Variants in B4GALT7 observed in about 807,000 individuals in gnomAD.
The protein encoded by B4GALT7 is beta-1,4-galactosyltransferase 7.
In B4GALT7, 30 loss-of-function variants were observed where a neutral mutation model predicts 33.0. That is an observed-to-expected ratio of 0.91 (90% CI 0.68 to 1.23). B4GALT7 has a LOEUF of 1.23. Ranked by LOEUF, B4GALT7 falls within the 50% of genes most tolerant of loss-of-function variation. B4GALT7 has a pLI of 0.00. For synonymous variants in B4GALT7, 213 were observed against 187.2 expected, an observed-to-expected ratio of 1.14 and a Z score of -1.13; for missense variants, 507 against 450.8, an observed-to-expected ratio of 1.12 and a Z score of -1.13.
chr5:177,607,107 TG>T, intron 2 of B4GALT7, 194 bp from the exon 3 acceptor site: 1 of 651,314 alleles, frequency 1.5e-6, no homozygotes, highest in Non-Finnish European at 2.8e-6. Flanking sequence ...GTACCTCCCG[TG>T]CTTTGAATGG....
In B4GALT7 at chr5:177,606,612, A is replaced by C. The variant is rs1221675013; in HGVS notation, c.414-690A>C. 1.9e-5 allele frequency: 3 copies of C among 155,716 alleles called. No homozygotes were observed. The highest frequency in any genetic ancestry group is 4.3e-5 in the Non-Finnish European group (3 of 70,208). The allele number at this position is 155,716 out of a possible 1,614,324, so 9.6% of individuals were successfully genotyped here. On this transcript the variant is annotated intron_variant, in intron 2 of 5. Transcript: ENST00000029410. The surrounding 1 kb of genome is among the most constrained non-coding windows in gnomAD (Gnocchi z 4.2). ...CCCTGCTCTGACAGTCTCTTCCAGCACAACAGCTAGGGCGGTCCTGTCCAG... is the reference window on the plus strand; with the variant it reads ...CCCTGCTCTGACAGTCTCTTCCAGCCCAACAGCTAGGGCGGTCCTGTCCAG...
At chr5:177,607,641 C>G in intron 3 of B4GALT7, 114 bp downstream of exon 3, 1 of 1,058,738 alleles carries the variant, frequency 9.4e-7, no homozygotes, top group Non-Finnish European at 1.4e-6. Context: ...CTGCCCTGGC[C>G]TAGCAGGAGA....
At chr5:177,603,667 C>T (rs1767899419) in intron 1 of B4GALT7, among the ~76,000 whole-genome samples, 1 of 152,138 alleles carries the variant, frequency 6.6e-6, no homozygotes, top group Non-Finnish European at 1.5e-5. Flanking sequence ...AGCACACACC[C>T]GTGTCTGGGT....
intron 1 of B4GALT7, among the ~76,000 whole-genome samples, chr5:177,602,444 G>A (rs1052405290): frequency 3.3e-5 from 5 of 152,256 alleles, no homozygotes; most frequent in Admixed American, 2.6e-4. Context: ...AATCTGACAC[G>A]GCCTGAGAAG....
At chr5:177,607,588 G>A in intron 3 of B4GALT7, 61 bp downstream of exon 3, 2 of 1,500,486 alleles carry the variant, frequency 1.3e-6, no homozygotes, top group Non-Finnish European at 1.8e-6. Flanking sequence ...TGCGGGTGGT[G>A]GGAAGGATGG....
rs1173902725 is a variant in B4GALT7 at position 177,608,356 on chromosome 5, G to GA, written c.640-181dup. 9.9e-6 allele frequency: 6 copies of GA among 608,198 alleles called. No individual in the cohort carries two copies. The Admixed American group carries it at 1.4e-4, about 14-fold the overall frequency. 37.7% of individuals were successfully genotyped at this position (608,198 alleles called of 1,614,324 possible). ...CTCACACAGGTTCAAGGCCCCGTGA[G>GA]AACGGGAGAGGGCCCGGGACGCGCT... On this transcript the variant is annotated intron_variant, in intron 3 of 5. Transcript: ENST00000029410. The surrounding 1 kb of genome is among the most constrained non-coding windows in gnomAD (Gnocchi z 4.1).
At position 177,610,264 on chromosome 5, in the gene B4GALT7, C is replaced by T. The variant is rs1222474674; in HGVS notation, c.*569C>T. On this transcript the variant is annotated 3_prime_UTR_variant, in exon 6 of 6. Transcript: ENST00000029410. ...TGATTTTTCGAAAGAAACTAGAATGCTGGATTCTTAAGTGATATCTTCTGA... is the reference window on the plus strand; with the variant it reads ...TGATTTTTCGAAAGAAACTAGAATGTTGGATTCTTAAGTGATATCTTCTGA... 2 of 158,408 alleles carry T rather than the reference C, an allele frequency of 1.3e-5. No individual in the cohort carries two copies. The highest frequency in any genetic ancestry group is 2.8e-5 in the Non-Finnish European group (2 of 71,538). The allele number at this position is 158,408 out of a possible 1,614,324, so 9.8% of individuals were successfully genotyped here. A position where few individuals can be genotyped will look rare whatever the true frequency, so the allele number is the denominator to read the frequency against.
At chr5:177,602,820 G>T (rs1263093471) in intron 1 of B4GALT7, 1 of 983,752 alleles carries the variant, frequency 1.0e-6, no homozygotes, top group Non-Finnish European at 1.2e-6. Flanking sequence ...AGGGGTCTGA[G>T]CAGGGCAAGG....
At chr5:177,609,498 A>T in intron 5 of B4GALT7, 42 bp from the exon 6 acceptor site, 1 of 1,611,452 alleles carries the variant, frequency 6.2e-7, no homozygotes, top group Non-Finnish European at 8.5e-7. Flanking sequence ...GCTGGCACCC[A>T]TGCAGCCCTG....
Position 177,604,289 on chromosome 5 carries a change from CTG to C in B4GALT7, c.162_163del (p.Asp56ArgfsTer26). On this transcript the variant is annotated frameshift_variant, in exon 2 of 6. Coordinates refer to ENST00000029410, the MANE Select transcript of B4GALT7 (RefSeq NM_007255.3). LOFTEE classifies it high-confidence loss of function. ...CTACTCTGGCTGCAGCTCAGCTGCT[CTG>C]GGGACGTGGCCCGGGCAGTCAGGGG... is the stretch of plus-strand genomic sequence containing the variant. 6.2e-7 allele frequency: 1 copy of C among 1,612,512 alleles called. No homozygotes were observed. Among genetic ancestry groups the C allele is most frequent in the African/African-American group, 1.3e-5 (1 of 75,006 alleles).
intron 3 of B4GALT7, 157 bp downstream of exon 3, chr5:177,607,684 G>C: frequency 1.4e-6 from 1 of 719,682 alleles, no homozygotes; most frequent in Non-Finnish European, 2.3e-6. Flanking sequence ...AAGAGCAGGC[G>C]AGCCAGTCAG....
chr5:177,607,508 C>T lies in B4GALT7; in HGVS notation c.620C>T (p.Ser207Phe), dbSNP rs774917613. Residue 207 changes from serine (S) to phenylalanine (F), a missense_variant, in exon 3 of 6, where the codon TCC becomes TTC. By Grantham distance (155) the Ser-to-Phe change is radical (BLOSUM62 -2). Transcript: ENST00000029410. Reference sequence around the variant, plus strand: ...TATGTCGGCGGCATCCTGCTGCTCTCCAAGCAGCACTACCGGCTGGTGAGG... The same window carrying T: ...TATGTCGGCGGCATCCTGCTGCTCTTCAAGCAGCACTACCGGCTGGTGAGG... ...KTYVGGILLL[S>F]KQHYRLCNGM... 5 of 1,612,524 alleles carry T rather than the reference C, an allele frequency of 3.1e-6. No individual in the cohort carries two copies. The highest frequency in any genetic ancestry group is 3.3e-5 in the Admixed American group (2 of 60,030).
chr5:177,600,386 G>A lies in B4GALT7; in HGVS notation c.50+126G>A, dbSNP rs1478577832. Reference sequence around the variant, plus strand: ...CTGCGGGTTTCTGTGAGGGCGTGTGGTTCTCCCTGTGGGTCCCTGGCGCTC... The same window carrying A: ...CTGCGGGTTTCTGTGAGGGCGTGTGATTCTCCCTGTGGGTCCCTGGCGCTC... On this transcript the variant is annotated intron_variant, in intron 1 of 5. Coordinates refer to ENST00000029410, the MANE Select transcript of B4GALT7 (RefSeq NM_007255.3). The surrounding 1 kb of genome is among the most constrained non-coding windows in gnomAD (Gnocchi z 4.4). 3 of 769,772 alleles carry A rather than the reference G, an allele frequency of 3.9e-6. No homozygotes were observed. Among genetic ancestry groups the A allele is most frequent in the Non-Finnish European group, 5.3e-6 (3 of 567,418 alleles). 47.7% of individuals were successfully genotyped at this position (769,772 alleles called of 1,614,324 possible). A position where few individuals can be genotyped will look rare whatever the true frequency, so the allele number is the denominator to read the frequency against.
chr5:177,604,197 C>T lies in B4GALT7; in HGVS notation c.69C>T (p.Gly23=), dbSNP rs759998518. The part of the protein sequence containing the change: ...WEDGRSGLLS[G]GLPRKCSVFH... ...GCTCCAGGTCCGGGTTGCTCTCCGG[C>T]GGCCTCCCTCGGAAGTGTTCCGTCT... Residue 23 remains glycine, a synonymous_variant, in exon 2 of 6, where the codon GGC becomes GGT. Coordinates refer to ENST00000029410, the MANE Select transcript of B4GALT7 (RefSeq NM_007255.3). The T allele has an allele frequency of 5.0e-6, 8 of 1,613,578 alleles. No individual in the cohort carries two copies. In the East Asian group the frequency reaches 1.6e-4, roughly 31 times the overall value.
Position 177,608,294 on chromosome 5 carries a change from C to T in B4GALT7, c.640-245C>T, listed in dbSNP as rs988175696. On this transcript the variant is annotated intron_variant, in intron 3 of 5. Coordinates refer to ENST00000029410, the MANE Select transcript of B4GALT7 (RefSeq NM_007255.3). This position sits in a 1 kb window ranked among gnomAD's most constrained non-coding sequence, Gnocchi z 4.1. ...CATCGACAGTTCCCCACAGAGATCCCCTCTGGGCAGCCAGCCGTTTTTGAG... is the reference window on the plus strand; with the variant it reads ...CATCGACAGTTCCCCACAGAGATCCTCTCTGGGCAGCCAGCCGTTTTTGAG... The T allele has an allele frequency of 2.2e-5, 12 of 552,784 alleles. No individual in the cohort carries two copies. In the South Asian group the frequency reaches 2.3e-4, roughly 11 times the overall value. The allele number at this position is 552,784 out of a possible 1,614,324, so 34.2% of individuals were successfully genotyped here. A position where few individuals can be genotyped will look rare whatever the true frequency, so the allele number is the denominator to read the frequency against.
At position 177,608,920 on chromosome 5, in the gene B4GALT7, C is replaced by G; in HGVS notation, c.734C>G (p.Pro245Arg). ...CTTGGACCTCCCTAGCTTTTCCGCC[C>G]CTCGGGAATCACAACTGGGTACAAG... ...IKGAGLQLFR[P>R]SGITTGYKTF... Residue 245 changes from proline (P) to arginine (R), a missense_variant, in exon 5 of 6, where the codon CCC becomes CGC. Pro to Arg is a moderately radical substitution (Grantham distance 103, BLOSUM62 -2). Transcript: ENST00000029410. The surrounding 1 kb of genome is among the most constrained non-coding windows in gnomAD (Gnocchi z 4.1). 1 of 1,613,722 alleles carries G rather than the reference C, an allele frequency of 6.2e-7. No homozygotes were observed. Among genetic ancestry groups the G allele is most frequent in the South Asian group, 1.1e-5 (1 of 91,074 alleles).
At chr5:177,609,158 G>A in intron 5 of B4GALT7, 144 bp downstream of exon 5, 3 of 797,966 alleles carry the variant, frequency 3.8e-6, no homozygotes, top group Admixed American at 2.1e-5. Flanking sequence ...TTCTGCTTGG[G>A]CACCGTGCCC....
chr5:177,602,590 G>C (rs1208087169), intron 1 of B4GALT7, among the ~76,000 whole-genome samples: 1 of 152,168 alleles, frequency 6.6e-6, no homozygotes, highest in Non-Finnish European at 1.5e-5. Context: ...TCCTCAGGCA[G>C]ATAAAGAAGG....
At position 177,605,128 on chromosome 5, in the gene B4GALT7, A is replaced by AC. The variant is rs562399785; in HGVS notation, c.413+595dup. ...AAGTCCCCTTGATCCAGATCCCCAG[A>AC]CCCCCCCCTTTTCCCTGCCACCCTT... On this transcript the variant is annotated intron_variant, in intron 2 of 5. Coordinates refer to ENST00000029410, the MANE Select transcript of B4GALT7 (RefSeq NM_007255.3). The AC allele has an allele frequency of 4.7e-3, 1,838 of 389,792 alleles. 7 individuals are homozygous for AC. The highest frequency in any genetic ancestry group is 6.5e-3 in the Non-Finnish European group (1,264 of 194,976). 24.1% of individuals were successfully genotyped at this position (389,792 alleles called of 1,614,324 possible). A position where few individuals can be genotyped will look rare whatever the true frequency, so the allele number is the denominator to read the frequency against.
Sources: allele counts gnomAD v4.1 joint callset (sites outside exome capture counted in the v4.1 genomes callset), GRCh38; gene constraint gnomAD v4.1.1; non-coding constraint Gnocchi (gnomAD v3.1); transcripts MANE v1.5; gene names NCBI Gene and HGNC (gene_info 2026-07-23, HGNC 2026-07-21).